ANKRD13A: variants seen among roughly 807,000 people sequenced by gnomAD.
The protein encoded by ANKRD13A is ankyrin repeat domain-containing protein 13A.
A neutral mutation model predicts 81.3 loss-of-function variants in ANKRD13A; 48 were observed. The ratio of observed to expected loss-of-function variants is 0.59; its 90% CI spans 0.47 to 0.75. The LOEUF (loss-of-function observed/expected upper bound fraction) is 0.75. Ranked by LOEUF, ANKRD13A falls within the 30% of genes least tolerant of loss-of-function variation. The pLI is 0.00. For missense variants in ANKRD13A, 612 were observed against 734.0 expected, an observed-to-expected ratio of 0.83 and a Z score of 1.92; for synonymous variants, 230 against 270.1, an observed-to-expected ratio of 0.85 and a Z score of 1.45.
chr12:110,015,292 G>A (rs528886607), intron 3 of ANKRD13A, among the ~76,000 whole-genome samples: 7 of 152,268 alleles, frequency 4.6e-5, no homozygotes, highest in South Asian at 4.1e-4. Context: ...AACCTCTTTC[G>A]GTTTCACAGA....
At chr12:110,025,993 G>A (rs563243240) in intron 8 of ANKRD13A, among the ~76,000 whole-genome samples, 170 bp downstream of exon 8, 5 of 145,644 alleles carry the variant, frequency 3.4e-5, no homozygotes, top group African/African-American at 7.6e-5. Context: ...GCAAAGTCTC[G>A]CCCTGTCACC....
chr12:110,014,847 G>T (rs1484204993), intron 3 of ANKRD13A, among the ~76,000 whole-genome samples: 1 of 150,492 alleles, frequency 6.6e-6, no homozygotes, highest in African/African-American at 2.5e-5. Flanking sequence ...GCAGTGGCGC[G>T]ATCTTGGTTC....
intron 10 of ANKRD13A, 62 bp from the exon 11 acceptor site, chr12:110,029,416 A>G: frequency 1.9e-6 from 3 of 1,568,666 alleles, no homozygotes; most frequent in East Asian, 4.5e-5. Context: ...ACTGCATAGC[A>G]ATAATCTCCT....
In ANKRD13A at chr12:110,036,297, C is replaced by G; in HGVS notation, c.1546C>G (p.Gln516Glu). 1 of 1,614,026 alleles carries G rather than the reference C, an allele frequency of 6.2e-7. No individual in the cohort carries two copies. The highest frequency in any genetic ancestry group is 1.7e-4 in the Middle Eastern group (1 of 6,060). ...ACCAGCTTCGAATGGAGGGATCAGC[C>G]AGACAAACACCTATGACGCCCAGTA... Reference protein sequence around the residue: ...SGPASNGGISQTNTYDAQYER... With the variant: ...SGPASNGGISETNTYDAQYER... Residue 516 changes from glutamine to glutamate, a missense_variant, in exon 14 of 15, where the codon CAG becomes GAG. Transcript: ENST00000261739. The surrounding 1 kb of genome is among the most constrained non-coding windows in gnomAD (Gnocchi z 4.6).
rs1214865806 is a variant in ANKRD13A at position 110,038,098 on chromosome 12, C to CTGAT, written c.*546_*549dup. The CTGAT allele has an allele frequency of 1.3e-5, 2 of 152,664 alleles. No homozygotes were observed. Among genetic ancestry groups the CTGAT allele is most frequent in the African/African-American group, 2.4e-5 (1 of 41,432 alleles). The allele number at this position is 152,664 out of a possible 1,614,324, so 9.5% of individuals were successfully genotyped here. On this transcript the variant is annotated 3_prime_UTR_variant, in exon 15 of 15. Transcript: ENST00000261739. ...TTGTCATTATTCTTCCTCCATCTAT[C>CTGAT]TGATTCCATTCCTTCCACACCCAGC... is the stretch of plus-strand genomic sequence containing the variant.
chr12:110,028,413 T>A (rs1331876062), intron 9 of ANKRD13A, 99 bp from the exon 10 acceptor site: 1 of 1,431,328 alleles, frequency 7.0e-7, no homozygotes, highest in Non-Finnish European at 9.5e-7. Context: ...TCCCGGTCTT[T>A]AGCTGGTTAA....
chr12:110,029,782 G>A, intron 11 of ANKRD13A, 147 bp downstream of exon 11: 1 of 871,282 alleles, frequency 1.1e-6, no homozygotes, highest in Non-Finnish European at 1.7e-6. Flanking sequence ...GAGTTCTCCT[G>A]TGGTTTGATT....
At chr12:110,003,362 G>A (rs1425869815) in intron 1 of ANKRD13A, among the ~76,000 whole-genome samples, 3 of 152,192 alleles carry the variant, frequency 2.0e-5, no homozygotes, top group Admixed American at 6.5e-5. Context: ...GATTCAAATC[G>A]CTGAGCCATG....
rs1892231640 is a variant in ANKRD13A at position 110,039,164 on chromosome 12, T to C, written c.*1610T>C. 6.6e-6 allele frequency: 1 copy of C among 152,010 alleles called. No homozygotes were observed. The highest frequency in any genetic ancestry group is 2.1e-4 in the South Asian group (1 of 4,828). 9.4% of individuals were successfully genotyped at this position (152,010 alleles called of 1,614,324 possible). A position where few individuals can be genotyped will look rare whatever the true frequency, so the allele number is the denominator to read the frequency against. ...TGTTTGTTTCAAATATGCAGTGTGGTATTTTGTTTACTTTGCATTTACCGT... is the reference window on the plus strand; with the variant it reads ...TGTTTGTTTCAAATATGCAGTGTGGCATTTTGTTTACTTTGCATTTACCGT... On this transcript the variant is annotated 3_prime_UTR_variant, in exon 15 of 15. Transcript: ENST00000261739.
At chr12:110,022,387 T>A (rs113400204) in intron 6 of ANKRD13A, 1 of 151,330 alleles carries the variant, frequency 6.6e-6, no homozygotes, top group East Asian at 1.9e-4. Context: ...AGGCGGAGCT[T>A]TCGGTGAGCT....
chr12:110,011,849 A>T (rs1890538330), intron 1 of ANKRD13A, among the ~76,000 whole-genome samples, 156 bp from the exon 2 acceptor site: 2 of 152,252 alleles, frequency 1.3e-5, no homozygotes, highest in Admixed American at 6.5e-5. Flanking sequence ...TCATATTTTA[A>T]CTGTGCCCAA....
intron 6 of ANKRD13A, chr12:110,021,202 C>T: frequency 2.2e-6 from 1 of 455,300 alleles, no homozygotes; most frequent in Non-Finnish European, 4.4e-6. Context: ...TAATGGTGCT[C>T]AGAATTAAAT....
chr12:109,999,840 C>T lies in ANKRD13A; in HGVS notation c.96+56C>T. ...GTGGGGACTTCGGGGAATCGGGGGT[C>T]GTTTCGCCTCCCTGAGCCCATTTCC... On this transcript the variant is annotated intron_variant, in intron 1 of 14. Coordinates refer to ENST00000261739, the MANE Select transcript of ANKRD13A (RefSeq NM_033121.2). The surrounding 1 kb of genome is among the most constrained non-coding windows in gnomAD (Gnocchi z 4.3). 2 of 1,436,516 alleles carry T rather than the reference C, an allele frequency of 1.4e-6. No homozygotes were observed. The highest frequency in any genetic ancestry group is 9.3e-7 in the Non-Finnish European group (1 of 1,073,304). The allele number at this position is 1,436,516 out of a possible 1,614,324, so 89.0% of individuals were successfully genotyped here.
chr12:110,037,040 C>T (rs976676300), intron 14 of ANKRD13A, among the ~76,000 whole-genome samples: 14 of 152,104 alleles, frequency 9.2e-5, no homozygotes, highest in African/African-American at 1.9e-4. Context: ...GGAAAAACCG[C>T]GAGGATTCAT....
At chr12:110,010,490 T>C (rs778380328) in intron 1 of ANKRD13A, among the ~76,000 whole-genome samples, 27 of 152,326 alleles carry the variant, frequency 1.8e-4, no homozygotes, top group Admixed American at 3.9e-4. Flanking sequence ...GGTAAGAGAA[T>C]CTAGAAGATA....
chr12:110,034,660 C>T (rs948781553), intron 13 of ANKRD13A, among the ~76,000 whole-genome samples: 2 of 152,172 alleles, frequency 1.3e-5, no homozygotes, highest in African/African-American at 4.8e-5. Flanking sequence ...CTACCTGGGA[C>T]AGTCCAAGGC....
chr12:110,035,068 C>T (rs920651824), intron 13 of ANKRD13A, among the ~76,000 whole-genome samples: 2 of 152,168 alleles, frequency 1.3e-5, no homozygotes, highest in African/African-American at 2.4e-5. Flanking sequence ...CATTCCCAGA[C>T]CCATTCAGTT....
chr12:110,037,734 T>C lies in ANKRD13A; in HGVS notation c.*180T>C. The C allele has an allele frequency of 1.7e-6, 1 of 575,004 alleles. No individual in the cohort carries two copies. Among genetic ancestry groups the C allele is most frequent in the South Asian group, 2.6e-5 (1 of 38,322 alleles). The allele number at this position is 575,004 out of a possible 1,614,324, so 35.6% of individuals were successfully genotyped here. A position where few individuals can be genotyped will look rare whatever the true frequency, so the allele number is the denominator to read the frequency against. On this transcript the variant is annotated 3_prime_UTR_variant, in exon 15 of 15. Coordinates refer to ENST00000261739, the MANE Select transcript of ANKRD13A (RefSeq NM_033121.2). Reference sequence around the variant, plus strand: ...TCCTGGGCCCATCCAGGCTGCTCCCTGGGGTGGAGAAGGGACCAGGGATTG... The same window carrying C: ...TCCTGGGCCCATCCAGGCTGCTCCCCGGGGTGGAGAAGGGACCAGGGATTG...
intron 3 of ANKRD13A, among the ~76,000 whole-genome samples, chr12:110,015,532 T>G (rs1442989813): frequency 6.6e-6 from 1 of 152,200 alleles, no homozygotes; most frequent in African/African-American, 2.4e-5. Context: ...AATCCTCTTA[T>G]TCTCTTGCTT....
Sources: allele counts gnomAD v4.1 joint callset (sites outside exome capture counted in the v4.1 genomes callset), GRCh38; gene constraint gnomAD v4.1.1; non-coding constraint Gnocchi (gnomAD v3.1); transcripts MANE v1.5; gene names NCBI Gene and HGNC (gene_info 2026-07-23, HGNC 2026-07-21).